Variants in ITPK1 observed in about 807,000 individuals in gnomAD.
ITPK1 encodes the protein inositol-tetrakisphosphate 1-kinase.
ITPK1 carries 21 observed loss-of-function variants against 45.3 expected under a neutral mutation model. The observed-to-expected ratio is 0.46, with a 90% CI of 0.33 to 0.67. The LOEUF is 0.67. Among genes scored for constraint, ITPK1 ranks in the 30% least tolerant of loss-of-function variants. The pLI, the probability that ITPK1 is intolerant of heterozygous loss-of-function variation, is 0.02. For missense variants in ITPK1, 474 were observed against 573.5 expected (o/e 0.83, Z 1.77); for synonymous variants, 258 against 253.6 (o/e 1.02, Z -0.16).
At chr14:92,964,542 G>C (rs1450097476) in intron 5 of ITPK1, among the ~76,000 whole-genome samples, 6 of 152,236 alleles carry the variant, frequency 3.9e-5, no homozygotes, top group African/African-American at 1.2e-4. Context: ...AAGCCTCCTC[G>C]CTGCAAACAC....
At chr14:92,978,968 T>C (rs1284465981) in intron 5 of ITPK1, among the ~76,000 whole-genome samples, 1 of 151,760 alleles carries the variant, frequency 6.6e-6, no homozygotes, top group Non-Finnish European at 1.5e-5. Context: ...TTATACTGTG[T>C]CCCTGGAAAA....
chr14:93,110,051 T>C (rs899491670), intron 2 of ITPK1, among the ~76,000 whole-genome samples: 14 of 152,110 alleles, frequency 9.2e-5, no homozygotes, highest in Non-Finnish European at 1.9e-4. Flanking sequence ...GCTAAATTAT[T>C]ACCCTCACAG....
chr14:93,065,136 AAC>A (rs1343431035), intron 3 of ITPK1, among the ~76,000 whole-genome samples: 1 of 152,224 alleles, frequency 6.6e-6, no homozygotes. Flanking sequence ...AATCTGCTCT[AAC>A]CCCAGAGGAC....
chr14:93,007,087 T>C (rs1887651958), intron 4 of ITPK1, among the ~76,000 whole-genome samples: 1 of 152,170 alleles, frequency 6.6e-6, no homozygotes, highest in Non-Finnish European at 1.5e-5. Flanking sequence ...GGGTCGGTCA[T>C]CTGGCCCACT....
In ITPK1 at chr14:93,016,534, T is replaced by C. The variant is rs1258008736; in HGVS notation, c.246+142A>G. On this transcript the variant is annotated intron_variant, in intron 4 of 10. Transcript: ENST00000267615. This position sits in a 1 kb window ranked among gnomAD's most constrained non-coding sequence, Gnocchi z 5.0. Reference sequence around the variant, plus strand: ...ACAGAAGTACCTGCCCACGAGCCCATGTCTTGCCAGTGGCAGAGCCATTTC... The same window carrying C: ...ACAGAAGTACCTGCCCACGAGCCCACGTCTTGCCAGTGGCAGAGCCATTTC... 2.2e-6 allele frequency: 2 copies of C among 929,742 alleles called. No individual in the cohort carries two copies. Among genetic ancestry groups the C allele is most frequent in the Non-Finnish European group, 3.3e-6 (2 of 612,922 alleles). 57.6% of individuals were successfully genotyped at this position (929,742 alleles called of 1,614,324 possible).
rs113599623 is a variant in ITPK1, at chr14:92,969,041, C to A, written c.365-6192G>T. ...ATGACAGGCTGCTATGTCTGCACCGCTTGAGTCAGTTTCTGGTAGCCAAAA... is the reference window on the plus strand; with the variant it reads ...ATGACAGGCTGCTATGTCTGCACCGATTGAGTCAGTTTCTGGTAGCCAAAA... On this transcript the variant is annotated intron_variant, in intron 5 of 10. Coordinates refer to ENST00000267615, the MANE Select transcript of ITPK1 (RefSeq NM_014216.6). Among the ~76,000 whole-genome samples the A allele has an allele frequency of 8.9e-3, 1,355 of 152,254 alleles. 17 individuals are homozygous for A. Among genetic ancestry groups the A allele is most frequent in the African/African-American group, 0.031 (1,272 of 41,532 alleles).
rs141115090 is a variant in ITPK1, at chr14:93,077,849, G to T, written c.96-1230C>A. Among the ~76,000 whole-genome samples, 810 of 152,268 alleles carry T rather than the reference G, an allele frequency of 5.3e-3. 5 individuals are homozygous for T. The highest frequency in any genetic ancestry group is 0.019 in the African/African-American group (783 of 41,562). ...TGCTACGAGCCAGGGACAAGCACTGGTGTAGGGCCACCAGGACCTGCAGGG... is the reference window on the plus strand; with the variant it reads ...TGCTACGAGCCAGGGACAAGCACTGTTGTAGGGCCACCAGGACCTGCAGGG... On this transcript the variant is annotated intron_variant, in intron 2 of 10. Coordinates refer to ENST00000267615, the MANE Select transcript of ITPK1 (RefSeq NM_014216.6).
intron 2 of ITPK1, among the ~76,000 whole-genome samples, chr14:93,093,335 T>C (rs533260816): frequency 6.6e-6 from 1 of 152,306 alleles, no homozygotes; most frequent in South Asian, 2.1e-4. Context: ...GCCAGGCCGT[T>C]TCGGCCCTTT....
chr14:93,073,782 G>A lies in ITPK1; in HGVS notation c.120+2813C>T, dbSNP rs548960192. ...TGCACTCAAATCCCAACTCCACCAC[G>A]GCCAGCTGAAATCCCCAAGAGAAAG... On this transcript the variant is annotated intron_variant, in intron 3 of 10. Coordinates refer to ENST00000267615, the MANE Select transcript of ITPK1 (RefSeq NM_014216.6). Among the ~76,000 whole-genome samples, 50 of 152,226 alleles carry A rather than the reference G, an allele frequency of 3.3e-4. No individual in the cohort carries two copies. The South Asian group carries it at 3.5e-3, about 11-fold the overall frequency.
chr14:93,098,456 C>CAAAAAAA (rs35436506), intron 2 of ITPK1, among the ~76,000 whole-genome samples: 1 of 141,196 alleles, frequency 7.1e-6, no homozygotes, highest in Admixed American at 7.1e-5. Context: ...GATTCCGTCT[C>CAAAAAAA]AAAAAAAAAA....
chr14:92,986,923 G>T (rs1057115718), intron 5 of ITPK1, among the ~76,000 whole-genome samples: 4 of 152,216 alleles, frequency 2.6e-5, no homozygotes, highest in Admixed American at 2.6e-4. Context: ...GCCTGGCAGG[G>T]TCTGTTCTCA....
chr14:93,011,916 G>A (rs558483144), intron 4 of ITPK1, among the ~76,000 whole-genome samples: 2 of 125,790 alleles, frequency 1.6e-5, no homozygotes, highest in East Asian at 5.5e-4. Context: ...AAGCTGCACA[G>A]CCTGGCATGA....
chr14:93,102,411 T>C (rs1180720527), intron 2 of ITPK1, among the ~76,000 whole-genome samples: 2 of 152,272 alleles, frequency 1.3e-5, no homozygotes, highest in East Asian at 3.8e-4. Context: ...AGGCCTCTAG[T>C]GGCAAGGCCA....
rs80166992 is a variant in ITPK1 at position 93,056,907 on chromosome 14, G to A, written c.120+19688C>T. ...TTAAAGTTAAATAAACCCCATGCAA[G>A]CATTTTTCAAGCATGATGTTTCAAG... On this transcript the variant is annotated intron_variant, in intron 3 of 10. Transcript: ENST00000267615. Among the ~76,000 whole-genome samples the A allele has an allele frequency of 8.9e-3, 1,354 of 152,296 alleles. 19 individuals carry two copies. The highest frequency in any genetic ancestry group is 0.03 in the African/African-American group (1,261 of 41,560).
At position 93,081,735 on chromosome 14, in the gene ITPK1, T is replaced by G. The variant is rs186835068; in HGVS notation, c.96-5116A>C. ...GAGGAGTAAGGTGAGTCCTGCGCCC[T>G]CCCCAAAGGGTGTCTGGGGCTCTGG... On this transcript the variant is annotated intron_variant, in intron 2 of 10. Coordinates refer to ENST00000267615, the MANE Select transcript of ITPK1 (RefSeq NM_014216.6). 7.2e-5 allele frequency among the ~76,000 whole-genome samples: 11 copies of G among 152,218 alleles called. No homozygotes were observed. The East Asian group carries it at 2.1e-3, about 29-fold the overall frequency.
rs1460829360 is a variant in ITPK1, at chr14:93,063,444, C to A, written c.120+13151G>T. Among the ~76,000 whole-genome samples the A allele has an allele frequency of 6.6e-6, 1 of 152,198 alleles. No individual in the cohort carries two copies. Among genetic ancestry groups the A allele is most frequent in the Non-Finnish European group, 1.5e-5 (1 of 68,030 alleles). ...AGTGAGCTTCCCACTCCCCACAGCC[C>A]CACACAGCACACTAAGCCCTGTCCC... On this transcript the variant is annotated intron_variant, in intron 3 of 10. Transcript: ENST00000267615. This position sits in a 1 kb window ranked among gnomAD's most constrained non-coding sequence, Gnocchi z 4.3.
intron 5 of ITPK1, among the ~76,000 whole-genome samples, chr14:92,964,013 C>T (rs987768785): frequency 1.3e-5 from 2 of 152,146 alleles, no homozygotes; most frequent in African/African-American, 4.8e-5. Context: ...GCTAGGAGGT[C>T]AGGACATTAA....
At chr14:93,107,140 T>C (rs894603180) in intron 2 of ITPK1, among the ~76,000 whole-genome samples, 6 of 152,090 alleles carry the variant, frequency 3.9e-5, no homozygotes, top group African/African-American at 1.4e-4. Flanking sequence ...GTATTTTTAG[T>C]AGAGATAGGT....
In ITPK1 at chr14:93,014,412, G is replaced by T. The variant is rs938012967; in HGVS notation, c.246+2264C>A. Among the ~76,000 whole-genome samples the T allele has an allele frequency of 3.3e-5, 5 of 152,222 alleles. No individual in the cohort carries two copies. Among genetic ancestry groups the T allele is most frequent in the Non-Finnish European group, 7.3e-5 (5 of 68,042 alleles). On this transcript the variant is annotated intron_variant, in intron 4 of 10. Transcript: ENST00000267615. The surrounding 1 kb of genome is among the most constrained non-coding windows in gnomAD (Gnocchi z 4.4). ...GAGGGATAAGAGCTTGGGAGCAGAT[G>T]TTCCAGAACTCCGGGCCCAGGCTAG...
Sources: gnomAD v4.1 joint callset for allele counts (sites outside exome capture counted in the v4.1 genomes callset) on GRCh38, gnomAD v4.1.1 for gene constraint, Gnocchi (gnomAD v3.1) non-coding constraint, MANE v1.5 for transcripts, NCBI Gene and HGNC (gene_info 2026-07-23, HGNC 2026-07-21) for gene names.